TIAM2: variants seen among roughly 807,000 people sequenced by gnomAD.
TIAM2 encodes the protein TIAM Rac1 associated GEF 2, also known as rho guanine nucleotide exchange factor TIAM2.
Under a neutral mutation model 152.9 loss-of-function variants are expected in TIAM2, and 80 were observed. The observed-to-expected ratio is 0.52, with a 90% CI of 0.44 to 0.63. The LOEUF is 0.63. Ranked by LOEUF, TIAM2 falls within the 30% of genes least tolerant of loss-of-function variation. The pLI, the probability that TIAM2 is intolerant of heterozygous loss-of-function variation, is 0.00. For missense variants in TIAM2, 1,965 were observed against 2,120.1 expected, an observed-to-expected ratio of 0.93 and a Z score of 1.44; for synonymous variants, 804 against 838.0, an observed-to-expected ratio of 0.96 and a Z score of 0.70.
At chr6:155,048,881 A>C (rs1777262583) in intron 1 of TIAM2, among the ~76,000 whole-genome samples, 1 of 151,828 alleles carries the variant, frequency 6.6e-6, no homozygotes, top group Non-Finnish European at 1.5e-5. Context: ...GCTCACTGCA[A>C]CCTTTGCCTC....
intron 1 of TIAM2, among the ~76,000 whole-genome samples, chr6:155,056,232 C>T (rs559129943): frequency 2.4e-4 from 32 of 132,400 alleles, no homozygotes; most frequent in African/African-American, 4.8e-4. Flanking sequence ...AGTGCAGTGG[C>T]GCGATCTCGG....
At chr6:155,061,632 T>A (rs1777581498) in intron 1 of TIAM2, among the ~76,000 whole-genome samples, 1 of 152,200 alleles carries the variant, frequency 6.6e-6, no homozygotes, top group Non-Finnish European at 1.5e-5. Context: ...TTTGTGTAGT[T>A]TGTGTTTTTT....
intron 18 of TIAM2, 80 bp from the exon 19 acceptor site, chr6:155,245,543 C>A: frequency 8.7e-7 from 1 of 1,155,694 alleles, no homozygotes; most frequent in Non-Finnish European, 1.3e-6. Context: ...CTGACAGAAG[C>A]CATGGGGCCG....
At chr6:155,041,249 T>C (rs1330615862) in intron 1 of TIAM2, among the ~76,000 whole-genome samples, 1 of 152,230 alleles carries the variant, frequency 6.6e-6, no homozygotes, top group Admixed American at 6.5e-5. Flanking sequence ...TAGAAAATGA[T>C]TGAAAGATTT....
intron 9 of TIAM2, among the ~76,000 whole-genome samples, chr6:155,169,791 A>G (rs796751747): frequency 3.3e-5 from 5 of 152,202 alleles, no homozygotes; most frequent in African/African-American, 1.2e-4. Flanking sequence ...ATCCCCATGA[A>G]GCTGTGTTAT....
In TIAM2 at chr6:155,129,931, G is replaced by A. The variant is rs1245779846; in HGVS notation, c.708G>A (p.Arg236=). The A allele has an allele frequency of 6.2e-7, 1 of 1,613,998 alleles. No homozygotes were observed. The change falls in exon 4 of 27, where the codon CGG becomes CGA. Residue 236 remains arginine (R), a synonymous_variant. Coordinates refer to ENST00000682666, the MANE Select transcript of TIAM2 (RefSeq NM_012454.4). The surrounding 1 kb of genome is among the most constrained non-coding windows in gnomAD (Gnocchi z 4.8). ...CCTCTCCCACGGACTCTCGCCTGCG[G>A]TCCAGCAAAGGCAGCTCCCTGAGTT... The part of the protein sequence containing the change: ...HRPSPTDSRL[R]SSKGSSLSSE...
At chr6:155,003,676 A>C (rs1778352412) in intron 1 of TIAM2, among the ~76,000 whole-genome samples, 4 of 152,036 alleles carry the variant, frequency 2.6e-5, no homozygotes. Context: ...CCCCATGCAC[A>C]CTGCCTTATC....
At position 155,204,117 on chromosome 6, in the gene TIAM2, C is replaced by T. The variant is rs577560085; in HGVS notation, c.3065-7087C>T. 2.6e-5 allele frequency among the ~76,000 whole-genome samples: 4 copies of T among 152,234 alleles called. No individual in the cohort carries two copies. The South Asian group carries it at 6.2e-4, about 24-fold the overall frequency. ...TACATTGCACATTGTTCGACTGGAC[C>T]TTAATGGAGGTTAAAAAACATGCAT... is the stretch of plus-strand genomic sequence containing the variant. On this transcript the variant is annotated intron_variant, in intron 14 of 26. Transcript: ENST00000682666.
At chr6:155,221,668 C>T (rs1163787111) in intron 15 of TIAM2, among the ~76,000 whole-genome samples, 4 of 152,126 alleles carry the variant, frequency 2.6e-5, no homozygotes, top group Non-Finnish European at 5.9e-5. Flanking sequence ...CTTGAGGTCT[C>T]CCCTTTAATT....
chr6:155,248,780 G>C (rs1415623540), intron 20 of TIAM2, among the ~76,000 whole-genome samples: 1 of 152,192 alleles, frequency 6.6e-6, no homozygotes, highest in Non-Finnish European at 1.5e-5. Flanking sequence ...TCCTTAAAGA[G>C]GGGCTTTATT....
chr6:155,044,160 A>G lies in TIAM2; in HGVS notation c.-208-46129A>G, dbSNP rs539126946. 6.4e-4 allele frequency among the ~76,000 whole-genome samples: 98 copies of G among 152,316 alleles called. No individual in the cohort carries two copies. In the Middle Eastern group the frequency reaches 0.014, roughly 21 times the overall value. ...TTTGTTCACATATCTGTCATCATCA[A>G]CATAGCCAGTGAAAGTTTCACTGTT... is the stretch of plus-strand genomic sequence containing the variant. On this transcript the variant is annotated intron_variant, in intron 1 of 26. Coordinates refer to ENST00000682666, the MANE Select transcript of TIAM2 (RefSeq NM_012454.4).
intron 14 of TIAM2, among the ~76,000 whole-genome samples, chr6:155,192,433 G>A (rs1781229199): frequency 6.6e-6 from 1 of 152,034 alleles, no homozygotes; most frequent in Admixed American, 6.6e-5. Context: ...TGGACTTGTC[G>A]GTCTCTTTCT....
At chr6:155,204,596 G>C (rs1781552598) in intron 14 of TIAM2, among the ~76,000 whole-genome samples, 1 of 152,010 alleles carries the variant, frequency 6.6e-6, no homozygotes, top group Non-Finnish European at 1.5e-5. Context: ...TTTTATTTCA[G>C]GATAGTAAAA....
At chr6:155,243,370 C>T (rs1783146518) in intron 16 of TIAM2, among the ~76,000 whole-genome samples, 1 of 152,158 alleles carries the variant, frequency 6.6e-6, no homozygotes, top group Admixed American at 6.5e-5. Context: ...GACGCCCTTC[C>T]TCTGCAGGGA....
intron 14 of TIAM2, among the ~76,000 whole-genome samples, chr6:155,190,811 A>G (rs1781180367): frequency 6.6e-6 from 1 of 151,880 alleles, no homozygotes; most frequent in Admixed American, 6.6e-5. Flanking sequence ...GAGAAGAGGA[A>G]ACTTTACAGC....
intron 1 of TIAM2, among the ~76,000 whole-genome samples, chr6:154,998,060 A>T (rs932781250): frequency 6.6e-6 from 1 of 152,180 alleles, no homozygotes; most frequent in African/African-American, 2.4e-5. Flanking sequence ...GGCTGTTCAA[A>T]TGATGCTTAG....
chr6:155,155,396 C>G (rs772840963), intron 7 of TIAM2, among the ~76,000 whole-genome samples: 63 of 152,274 alleles, frequency 4.1e-4, no homozygotes, highest in Admixed American at 6.5e-4. Context: ...AAACTCCTGA[C>G]CTCAACTGAT....
chr6:155,023,867 C>T (rs951091247), intron 1 of TIAM2, among the ~76,000 whole-genome samples: 1 of 152,152 alleles, frequency 6.6e-6, no homozygotes, highest in Non-Finnish European at 1.5e-5. Flanking sequence ...GGTCCTTACT[C>T]GTCTTTGCCT....
At chr6:155,093,669 G>T (rs1431394137) in intron 2 of TIAM2, among the ~76,000 whole-genome samples, 1 of 152,202 alleles carries the variant, frequency 6.6e-6, no homozygotes, top group Non-Finnish European at 1.5e-5. Context: ...AGCGTCTCAG[G>T]GCCGGATGTG....
Sources: gnomAD v4.1 joint callset for allele counts (sites outside exome capture counted in the v4.1 genomes callset) on GRCh38, gnomAD v4.1.1 for gene constraint, Gnocchi (gnomAD v3.1) non-coding constraint, MANE v1.5 for transcripts, NCBI Gene and HGNC (gene_info 2026-07-23, HGNC 2026-07-21) for gene names.